Variants in DGKB observed in about 807,000 individuals in gnomAD.
DGKB encodes the protein 90 kDa diacylglycerol kinase.
A neutral mutation model predicts 114.3 loss-of-function variants in DGKB; 67 were observed. The observed-to-expected ratio is 0.59, with a 90% CI of 0.48 to 0.72. The LOEUF is 0.72. DGKB is among the 30% of genes least tolerant of loss of function. DGKB has a pLI of 0.00. For missense variants in DGKB, 907 were observed against 975.2 expected, an observed-to-expected ratio of 0.93 and a Z score of 0.93; for synonymous variants, 398 against 323.1, an observed-to-expected ratio of 1.23 and a Z score of -2.49.
At chr7:14,505,917 G>T (rs1384914878) in intron 20 of DGKB, among the ~76,000 whole-genome samples, 1 of 151,948 alleles carries the variant, frequency 6.6e-6, no homozygotes, top group African/African-American at 2.4e-5. Context: ...TGTCAGTAGT[G>T]TAATAAAAAA....
intron 21 of DGKB, among the ~76,000 whole-genome samples, chr7:14,397,520 T>C (rs191626894): frequency 6.6e-6 from 1 of 152,258 alleles, no homozygotes; most frequent in Admixed American, 6.5e-5. Context: ...AGTCTAGAAC[T>C]GCTGTGTCCT....
chr7:14,718,951 T>G, intron 5 of DGKB: 1 of 283,830 alleles, frequency 3.5e-6, no homozygotes, highest in South Asian at 1.0e-4. Flanking sequence ...TTACCCTAGG[T>G]GAGTTGGTAC....
intron 23 of DGKB, among the ~76,000 whole-genome samples, chr7:14,205,936 G>T (rs1214639475): frequency 6.6e-6 from 1 of 151,978 alleles, no homozygotes; most frequent in Non-Finnish European, 1.5e-5. Context: ...TAGATCAATT[G>T]ATTGACAGGT....
chr7:14,711,250 T>C (rs942564864), intron 6 of DGKB, among the ~76,000 whole-genome samples: 4 of 151,800 alleles, frequency 2.6e-5, no homozygotes, highest in African/African-American at 9.7e-5. Context: ...GTTTGGAGAG[T>C]TTTAAGCTCT....
intron 1 of DGKB, among the ~76,000 whole-genome samples, chr7:14,970,837 C>T (rs1417120758): frequency 6.6e-6 from 1 of 152,100 alleles, no homozygotes; most frequent in East Asian, 1.9e-4. Flanking sequence ...CTTCCCCAGC[C>T]ATAGACACCA....
Position 14,282,654 on chromosome 7 carries a change from C to T in DGKB, c.2122+55861G>A, listed in dbSNP as rs1226643962. On this transcript the variant is annotated intron_variant, in intron 23 of 25. Coordinates refer to ENST00000402815, the MANE Select transcript of DGKB (RefSeq NM_001350709.2). The stretch of plus-strand genomic sequence containing the variant: ...CCGAATCCAGCAGCACATCAAAAAG[C>T]TTATCCACCATGATCAAGTGGGCTT... Among the ~76,000 whole-genome samples the T allele has an allele frequency of 9.3e-5, 14 of 150,088 alleles. No homozygotes were observed. The South Asian group carries it at 2.7e-3, about 29-fold the overall frequency.
intron 23 of DGKB, among the ~76,000 whole-genome samples, chr7:14,221,141 A>C (rs1294687015): frequency 6.6e-6 from 1 of 151,314 alleles, no homozygotes; most frequent in African/African-American, 2.4e-5. Flanking sequence ...TTCCTTTTCA[A>C]TCTGATGCCT....
intron 1 of DGKB, among the ~76,000 whole-genome samples, chr7:14,946,685 AT>A (rs1785902605): frequency 6.6e-6 from 1 of 151,722 alleles, no homozygotes; most frequent in Admixed American, 6.6e-5. Context: ...TTCAAACGGA[AT>A]GTGACTTGTA....
intron 20 of DGKB, among the ~76,000 whole-genome samples, chr7:14,548,940 C>T (rs778615061): frequency 2.6e-5 from 4 of 151,538 alleles, no homozygotes; most frequent in Non-Finnish European, 5.9e-5. Context: ...GATGAGTGAT[C>T]TAGGGCATGC....
chr7:14,724,869 T>C (rs1166426138), intron 5 of DGKB, among the ~76,000 whole-genome samples: 4 of 152,198 alleles, frequency 2.6e-5, no homozygotes, highest in Non-Finnish European at 1.5e-5. Context: ...ACCAGTGTTA[T>C]CCAATAAAAT....
chr7:14,466,404 C>G (rs1266731764), intron 21 of DGKB, among the ~76,000 whole-genome samples: 1 of 151,968 alleles, frequency 6.6e-6, no homozygotes, highest in Non-Finnish European at 1.5e-5. Context: ...AAAAATGTAC[C>G]AAAGAAAGTT....
At chr7:14,518,814 C>A in intron 20 of DGKB, among the ~76,000 whole-genome samples, 1 of 152,138 alleles carries the variant, frequency 6.6e-6, no homozygotes, top group East Asian at 1.9e-4. Flanking sequence ...GAATGTGGCT[C>A]TTCAATTTTA....
At chr7:14,306,564 G>A (rs1223633070) in intron 23 of DGKB, among the ~76,000 whole-genome samples, 1 of 151,504 alleles carries the variant, frequency 6.6e-6, no homozygotes, top group Non-Finnish European at 1.5e-5. Flanking sequence ...CTTTTTTTCT[G>A]AGAATCTGTG....
chr7:14,911,480 G>GT (rs1783999543), intron 1 of DGKB, among the ~76,000 whole-genome samples: 1 of 152,004 alleles, frequency 6.6e-6, no homozygotes, highest in Admixed American at 6.6e-5. Flanking sequence ...GACTCTCAGA[G>GT]TTTTTTTCCT....
intron 1 of DGKB, among the ~76,000 whole-genome samples, chr7:14,959,252 T>C (rs1050954241): frequency 2.0e-5 from 3 of 152,126 alleles, no homozygotes; most frequent in African/African-American, 7.2e-5. Context: ...CTAGGTACTT[T>C]ATAGTTTTTT....
chr7:14,254,303 C>T (rs1795653001), intron 23 of DGKB, among the ~76,000 whole-genome samples: 1 of 152,130 alleles, frequency 6.6e-6, no homozygotes, highest in East Asian at 1.9e-4. Context: ...TGAAAGTATT[C>T]AGCCATTTGT....
intron 23 of DGKB, among the ~76,000 whole-genome samples, chr7:14,232,094 C>G (rs183758847): frequency 6.6e-6 from 1 of 151,910 alleles, no homozygotes; most frequent in East Asian, 1.9e-4. Context: ...CTCTCATATC[C>G]TTTTGCCTCC....
intron 1 of DGKB, among the ~76,000 whole-genome samples, chr7:14,849,218 C>A (rs1262090936): frequency 6.6e-6 from 1 of 151,948 alleles, no homozygotes; most frequent in East Asian, 1.9e-4. Context: ...TATTGAACAT[C>A]CTGAAGGGAC....
intron 1 of DGKB, among the ~76,000 whole-genome samples, chr7:14,868,625 A>C (rs1184101388): frequency 1.3e-5 from 2 of 151,868 alleles, no homozygotes; most frequent in African/African-American, 4.8e-5. Context: ...CCTCATCCCA[A>C]TTTCTTCTCA....
Sources: gnomAD v4.1 joint callset for allele counts (sites outside exome capture counted in the v4.1 genomes callset) on GRCh38, gnomAD v4.1.1 for gene constraint, MANE v1.5 for transcripts, NCBI Gene and HGNC (gene_info 2026-07-23, HGNC 2026-07-21) for gene names.